RGS7: variants seen among roughly 807,000 people sequenced by gnomAD.
The protein encoded by RGS7 is regulator of G-protein signaling 7.
RGS7 carries 27 observed loss-of-function variants against 81.1 expected under a neutral mutation model. The ratio of observed to expected loss-of-function variants is 0.33; its 90% CI spans 0.25 to 0.46. The LOEUF is 0.46. Among genes scored for constraint, RGS7 ranks in the 20% least tolerant of loss-of-function variants. RGS7 has a pLI of 1.00. For synonymous variants in RGS7, 208 were observed against 207.7 expected, an observed-to-expected ratio of 1.00 and a Z score of -0.01; for missense variants, 396 against 607.4, an observed-to-expected ratio of 0.65 and a Z score of 3.66.
intron 2 of RGS7, among the ~76,000 whole-genome samples, chr1:241,211,114 A>G (rs895587341): frequency 4.6e-4 from 70 of 152,192 alleles, no homozygotes; most frequent in African/African-American, 1.6e-3. Context: ...GTAAAACCCC[A>G]TCTCTACTAA....
chr1:240,853,515 A>G (rs1186618213), intron 9 of RGS7, among the ~76,000 whole-genome samples: 1 of 152,192 alleles, frequency 6.6e-6, no homozygotes, highest in Non-Finnish European at 1.5e-5. Flanking sequence ...CACAGTAACA[A>G]TAGTCAGAAG....
chr1:240,994,899 T>C (rs1353544867), intron 3 of RGS7, among the ~76,000 whole-genome samples: 2 of 152,088 alleles, frequency 1.3e-5, no homozygotes, highest in Non-Finnish European at 2.9e-5. Flanking sequence ...GATCTCAAAC[T>C]CCTGGTCTCC....
chr1:241,244,454 C>A (rs936664368), intron 2 of RGS7, among the ~76,000 whole-genome samples: 13 of 152,244 alleles, frequency 8.5e-5, no homozygotes, highest in African/African-American at 2.9e-4. Flanking sequence ...AGTCAGGAAA[C>A]AACAGGTGCT....
chr1:240,984,275 A>T (rs561112204), intron 3 of RGS7, among the ~76,000 whole-genome samples: 182 of 152,332 alleles, frequency 1.2e-3, no homozygotes, highest in African/African-American at 4.0e-3. Context: ...GACTGGCAAT[A>T]TATATGAAAT....
intron 4 of RGS7, among the ~76,000 whole-genome samples, chr1:240,961,003 A>T (rs1329934902): frequency 6.6e-6 from 1 of 152,228 alleles, no homozygotes; most frequent in Non-Finnish European, 1.5e-5. Context: ...AAGTGGGATA[A>T]AAGGACAAAA....
At chr1:241,016,251 G>C (rs1264736500) in intron 3 of RGS7, among the ~76,000 whole-genome samples, 1 of 152,152 alleles carries the variant, frequency 6.6e-6, no homozygotes, top group Non-Finnish European at 1.5e-5. Flanking sequence ...TGGGTGCGGT[G>C]GCTCACGCCT....
At chr1:241,081,486 A>G (rs1234808015) in intron 3 of RGS7, among the ~76,000 whole-genome samples, 2 of 152,242 alleles carry the variant, frequency 1.3e-5, no homozygotes, top group Admixed American at 6.5e-5. Flanking sequence ...GGAGAGGCCT[A>G]TTTGGGGTAG....
intron 2 of RGS7, among the ~76,000 whole-genome samples, chr1:241,141,371 G>C (rs1203380302): frequency 2.0e-5 from 3 of 152,176 alleles, no homozygotes; most frequent in Non-Finnish European, 2.9e-5. Context: ...ACACTCAAAT[G>C]CAGATCCCTG....
At chr1:241,038,289 A>G (rs2060435215) in intron 3 of RGS7, among the ~76,000 whole-genome samples, 1 of 152,194 alleles carries the variant, frequency 6.6e-6, no homozygotes, top group Non-Finnish European at 1.5e-5. Context: ...TAGAAAATCC[A>G]GACTGTTTAT....
At chr1:241,285,989 A>G (rs2078786731) in intron 2 of RGS7, among the ~76,000 whole-genome samples, 1 of 152,242 alleles carries the variant, frequency 6.6e-6, no homozygotes, top group Non-Finnish European at 1.5e-5. Context: ...TCAAAATGAG[A>G]GCCATGAATG....
At chr1:240,872,714 G>A (rs1664706296) in intron 6 of RGS7, among the ~76,000 whole-genome samples, 1 of 152,184 alleles carries the variant, frequency 6.6e-6, no homozygotes, top group South Asian at 2.1e-4. Context: ...GTAGATCAAA[G>A]ATGATTCCAA....
chr1:241,147,782 A>T lies in RGS7; in HGVS notation c.79-49020T>A, dbSNP rs189042891. On this transcript the variant is annotated intron_variant, in intron 2 of 18. Coordinates refer to ENST00000440928, the MANE Select transcript of RGS7 (RefSeq NM_001364886.1). Reference sequence around the variant, plus strand: ...AAATATCCCATCTAGATTAAGTTTTATATATATATATATATATATATATAT... The same window carrying T: ...AAATATCCCATCTAGATTAAGTTTTTTATATATATATATATATATATATAT... 4.0e-3 allele frequency among the ~76,000 whole-genome samples: 293 copies of T among 73,894 alleles called. 5 individuals are homozygous for T. Among genetic ancestry groups the T allele is most frequent in the Non-Finnish European group, 5.7e-3 (202 of 35,628 alleles). The allele number at this position is 73,894 out of a possible 152,430, so 48.5% of individuals were successfully genotyped here.
intron 2 of RGS7, among the ~76,000 whole-genome samples, chr1:241,114,219 T>C (rs77735447): frequency 0.015 from 2,242 of 152,264 alleles, 30 homozygotes; most frequent in Non-Finnish European, 0.025. Context: ...CCTCTGCCTA[T>C]AACTCTGGAC....
rs189123535 is a variant in RGS7, at chr1:240,823,029, A to G, written c.684+4069T>C. The G allele has an allele frequency of 4.0e-5, 23 of 571,650 alleles. No homozygotes were observed. The African/African-American group carries it at 4.4e-4, about 11-fold the overall frequency. 35.4% of individuals were successfully genotyped at this position (571,650 alleles called of 1,614,324 possible). A position where few individuals can be genotyped will look rare whatever the true frequency, so the allele number is the denominator to read the frequency against. On this transcript the variant is annotated intron_variant, in intron 10 of 18. Coordinates refer to ENST00000440928, the MANE Select transcript of RGS7 (RefSeq NM_001364886.1). ...TGGAAGAAATTGTCTTGAGTTTCAA[A>G]TGTTCTGGTAAATCTAGTCGTTTCT... is the stretch of plus-strand genomic sequence containing the variant.
intron 3 of RGS7, among the ~76,000 whole-genome samples, chr1:241,043,792 G>A (rs910254379): frequency 1.3e-5 from 2 of 151,928 alleles, no homozygotes; most frequent in Admixed American, 1.3e-4. Flanking sequence ...GGCATTATAA[G>A]TAATCTAGAG....
chr1:240,981,559 A>C lies in RGS7; in HGVS notation c.226+1520T>G, dbSNP rs573674496. Among the ~76,000 whole-genome samples, 53 of 152,268 alleles carry C rather than the reference A, an allele frequency of 3.5e-4. 2 individuals carry two copies. In the South Asian group the frequency reaches 0.011, roughly 31 times the overall value. ...ATTATTTGTCTGGTCCTATAGTTTT[A>C]AAAAAACAGGCATGCCACTGAAGTG... On this transcript the variant is annotated intron_variant, in intron 4 of 18. Coordinates refer to ENST00000440928, the MANE Select transcript of RGS7 (RefSeq NM_001364886.1).
chr1:240,890,721 AT>A (rs1159325818), intron 6 of RGS7, among the ~76,000 whole-genome samples: 2 of 152,076 alleles, frequency 1.3e-5, no homozygotes, highest in Non-Finnish European at 2.9e-5. Flanking sequence ...TGTTACTTCT[AT>A]TTTTCAGAAA....
chr1:241,188,859 A>C (rs1440761592), intron 2 of RGS7, among the ~76,000 whole-genome samples: 2 of 152,246 alleles, frequency 1.3e-5, no homozygotes, highest in Non-Finnish European at 2.9e-5. Flanking sequence ...TTATATGAGG[A>C]AATACACACC....
chr1:241,015,593 G>T (rs889620404), intron 3 of RGS7, among the ~76,000 whole-genome samples: 2 of 152,130 alleles, frequency 1.3e-5, no homozygotes, highest in African/African-American at 2.4e-5. Context: ...TAGAGTAAAT[G>T]ATTGGTCTTG....
Sources: allele counts gnomAD v4.1 joint callset (sites outside exome capture counted in the v4.1 genomes callset), GRCh38; gene constraint gnomAD v4.1.1; transcripts MANE v1.5; gene names NCBI Gene and HGNC (gene_info 2026-07-23, HGNC 2026-07-21).